The following TMEM254 variants were observed in gnomAD, a reference collection of about 807,000 sequenced individuals.
TMEM254 encodes transmembrane protein 254.
TMEM254 carries 16 observed loss-of-function variants against 13.9 expected under a neutral mutation model. The ratio of observed to expected loss-of-function variants is 1.15; its 90% CI spans 0.78 to 1.75. TMEM254 has a LOEUF of 1.75. Ranked by LOEUF, TMEM254 falls within the 40% of genes most tolerant of loss-of-function variation. The probability of loss-of-function intolerance (pLI) is 0.00; values close to 1 mark genes in which losing one functional copy is unlikely to be tolerated. For missense variants in TMEM254, 155 were observed against 149.0 expected, an observed-to-expected ratio of 1.04 and a Z score of -0.21; for synonymous variants, 61 against 56.4, an observed-to-expected ratio of 1.08 and a Z score of -0.36.
rs1844546885 is a variant in TMEM254, at chr10:80,090,830, A to T, written c.285A>T (p.Leu95=). 2.5e-6 allele frequency: 4 copies of T among 1,613,998 alleles called. No homozygotes were observed. The highest frequency in any genetic ancestry group is 1.7e-5 in the Admixed American group (1 of 59,994). ...GCATCACAAGTGGTCGGGCTCAGCT[A>T]CTCTGGTTCCTACAGACTTTCTTCT... ...HKGITSGRAQ[L]LWFLQTFFFG... Residue 95 remains leucine, a synonymous_variant, in exon 4 of 4, where the codon CTA becomes CTT. Coordinates refer to ENST00000372281, the MANE Select transcript of TMEM254 (RefSeq NM_025125.4).
intron 3 of TMEM254, among the ~76,000 whole-genome samples, chr10:80,083,853 G>A (rs748289061): frequency 3.9e-5 from 6 of 152,132 alleles, no homozygotes; most frequent in Admixed American, 2.0e-4. Context: ...AAGGTGGGCA[G>A]ATCATTTGAG....
Position 80,081,694 on chromosome 10 carries a change from G to A in TMEM254, c.88-147G>A, listed in dbSNP as rs1310584477. On this transcript the variant is annotated intron_variant, in intron 1 of 3. Transcript: ENST00000372281. The stretch of plus-strand genomic sequence containing the variant: ...AAAAAAAGAAAGAAAGAAAATAGAA[G>A]CCAAGAATGGAGACCCAAATGACTG... 1.9e-6 allele frequency: 3 copies of A among 1,595,690 alleles called. No individual in the cohort carries two copies. In the African/African-American group the frequency reaches 4.0e-5, roughly 21 times the overall value.
intron 3 of TMEM254, chr10:80,086,525 G>T: frequency 4.3e-6 from 1 of 233,094 alleles, no homozygotes. Flanking sequence ...AGTTAATAAT[G>T]TTGTGCTAAA....
intron 1 of TMEM254, among the ~76,000 whole-genome samples, chr10:80,080,945 T>G (rs1843979901): frequency 6.6e-6 from 1 of 152,206 alleles, no homozygotes; most frequent in Admixed American, 6.5e-5. Flanking sequence ...CTGGGCGTGG[T>G]GGCATGCACC....
intron 3 of TMEM254, among the ~76,000 whole-genome samples, chr10:80,084,024 G>A (rs568607494): frequency 1.3e-5 from 2 of 152,122 alleles, no homozygotes; most frequent in East Asian, 3.9e-4. Context: ...GGCAGAGGCT[G>A]CAGTGAGCCG....
At chr10:80,079,234 C>T (rs1238075603) in intron 1 of TMEM254, 1 of 1,256,154 alleles carries the variant, frequency 8.0e-7, no homozygotes, top group South Asian at 1.3e-5. Flanking sequence ...CCCGCCGGGC[C>T]CTCGTAGGGC....
chr10:80,088,315 C>T (rs1400574176), intron 3 of TMEM254, among the ~76,000 whole-genome samples: 2 of 152,166 alleles, frequency 1.3e-5, no homozygotes, highest in Admixed American at 6.5e-5. Context: ...CCTTTGCCTA[C>T]ACCTTTGCAT....
chr10:80,079,709 G>A (rs1564565967), intron 1 of TMEM254: 1 of 985,760 alleles, frequency 1.0e-6, no homozygotes, highest in Non-Finnish European at 1.2e-6. Flanking sequence ...TGGGGGCTAA[G>A]GTGGTAGTTT....
chr10:80,082,522 A>G (rs1230016674), intron 3 of TMEM254, among the ~76,000 whole-genome samples: 1 of 152,192 alleles, frequency 6.6e-6, no homozygotes, highest in African/African-American at 2.4e-5. Context: ...CTAGTTTACA[A>G]AAGAGCTAAG....
In TMEM254 at chr10:80,078,759, C is replaced by T. The variant is rs753325020; in HGVS notation, c.60C>T (p.Val20=). Residue 20 remains valine (V), a synonymous_variant, in exon 1 of 4, where the codon GTC becomes GTT. Transcript: ENST00000372281. ...FQRGSLFWFT[V]ITLSFGYYTW... ...GAGGCAGTCTGTTCTGGTTCACAGT[C>T]ATCACCCTCAGCTTTGGCTACTACA... 1.2e-6 allele frequency: 2 copies of T among 1,608,302 alleles called. No homozygotes were observed. Among genetic ancestry groups the T allele is most frequent in the Non-Finnish European group, 8.5e-7 (1 of 1,177,766 alleles).
At chr10:80,078,854 G>A in intron 1 of TMEM254, 68 bp downstream of exon 1, 1 of 1,542,122 alleles carries the variant, frequency 6.5e-7, no homozygotes, top group Non-Finnish European at 8.8e-7. Flanking sequence ...CCAGGACCTG[G>A]GCTCACAGGC....
At chr10:80,088,905 G>T (rs1355179745) in intron 3 of TMEM254, among the ~76,000 whole-genome samples, 1 of 151,366 alleles carries the variant, frequency 6.6e-6, no homozygotes, top group Non-Finnish European at 1.5e-5. Flanking sequence ...GCCAACTTTT[G>T]TTGTTGTTTT....
intron 1 of TMEM254, chr10:80,079,210 G>A (rs1035616304): frequency 2.0e-5 from 26 of 1,279,804 alleles, no homozygotes; most frequent in Middle Eastern, 2.7e-4. Context: ...GGGCGGGGCG[G>A]GCCTCTGTTT....
chr10:80,092,017 G>C lies in TMEM254; in HGVS notation c.*1100G>C. On this transcript the variant is annotated 3_prime_UTR_variant, in exon 4 of 4. Transcript: ENST00000372281. ...TCTGTTTAGAGATTCTAGCCCATGG[G>C]TTATCTGGCTAGTTATTACCTCTCC... The C allele has an allele frequency of 6.6e-6, 1 of 152,104 alleles. No individual in the cohort carries two copies. Among genetic ancestry groups the C allele is most frequent in the East Asian group, 1.9e-4 (1 of 5,190 alleles). 9.4% of individuals were successfully genotyped at this position (152,104 alleles called of 1,614,324 possible). A position where few individuals can be genotyped will look rare whatever the true frequency, so the allele number is the denominator to read the frequency against.
At chr10:80,084,819 T>C (rs1207978971) in intron 3 of TMEM254, among the ~76,000 whole-genome samples, 8 of 152,216 alleles carry the variant, frequency 5.3e-5, no homozygotes, top group African/African-American at 1.9e-4. Flanking sequence ...TTTTTATTTT[T>C]ATTTTTATTT....
At chr10:80,080,589 C>T (rs1023668345) in intron 1 of TMEM254, among the ~76,000 whole-genome samples, 1 of 152,270 alleles carries the variant, frequency 6.6e-6, no homozygotes, top group East Asian at 1.9e-4. Flanking sequence ...AGCCAAAGCA[C>T]ATAAACTCAA....
At chr10:80,081,196 A>G (rs1346476450) in intron 1 of TMEM254, among the ~76,000 whole-genome samples, 1 of 152,154 alleles carries the variant, frequency 6.6e-6, no homozygotes. Context: ...GGGTGCAGTG[A>G]GCCGTGATCA....
intron 3 of TMEM254, 152 bp downstream of exon 3, chr10:80,082,356 G>A: frequency 1.3e-6 from 1 of 784,220 alleles, no homozygotes; most frequent in South Asian, 1.8e-5. Context: ...CTGGAGCAGA[G>A]GCAGTACCCA....
chr10:80,088,254 A>C (rs767061781), intron 3 of TMEM254, among the ~76,000 whole-genome samples: 9 of 152,106 alleles, frequency 5.9e-5, no homozygotes, highest in Non-Finnish European at 1.0e-4. Flanking sequence ...GCAGCTTTAT[A>C]ATCATTGTTA....
Sources: gnomAD v4.1 joint callset for allele counts (sites outside exome capture counted in the v4.1 genomes callset) on GRCh38, gnomAD v4.1.1 for gene constraint, MANE v1.5 for transcripts, NCBI Gene and HGNC (gene_info 2026-07-23, HGNC 2026-07-21) for gene names.